The following NCKAP5 variants were observed in gnomAD, a reference collection of about 807,000 sequenced individuals.
NCKAP5 encodes NCK associated protein 5.
Under a neutral mutation model 167.0 loss-of-function variants are expected in NCKAP5, and 92 were observed. The ratio of observed to expected loss-of-function variants is 0.55; its 90% CI spans 0.47 to 0.66. The LOEUF (loss-of-function observed/expected upper bound fraction) is 0.66, where lower values mean the gene tolerates loss of function less well. Among genes scored for constraint, NCKAP5 ranks in the 30% least tolerant of loss-of-function variants. The pLI is 0.00. For missense variants in NCKAP5, 2,378 were observed against 2,315.0 expected, an observed-to-expected ratio of 1.03 and a Z score of -0.56; for synonymous variants, 891 against 877.4, an observed-to-expected ratio of 1.02 and a Z score of -0.27.
rs139638160 is a variant in NCKAP5 at position 133,014,372 on chromosome 2, G to A, written c.342-20133C>T. 5.8e-4 allele frequency among the ~76,000 whole-genome samples: 89 copies of A among 152,316 alleles called. No homozygotes were observed. The East Asian group carries it at 7.9e-3, about 14-fold the overall frequency. On this transcript the variant is annotated intron_variant, in intron 6 of 19. Coordinates refer to ENST00000409261, the MANE Select transcript of NCKAP5 (RefSeq NM_207363.3). Reference sequence around the variant, plus strand: ...GTGACTCCCATCCACCACCAGTGAAGCTATTCAAATTCTGCAAGAATTAGT... The same window carrying A: ...GTGACTCCCATCCACCACCAGTGAAACTATTCAAATTCTGCAAGAATTAGT...
intron 8 of NCKAP5, among the ~76,000 whole-genome samples, chr2:132,904,362 A>C (rs543120022): frequency 4.2e-4 from 63 of 150,914 alleles, no homozygotes; most frequent in African/African-American, 1.3e-3. Flanking sequence ...ATAAAAATTA[A>C]ATAAAAATTA....
At chr2:133,670,100 A>C in the NCKAP5 span, among the ~76,000 whole-genome samples, 1 of 152,364 alleles carries the variant, frequency 6.6e-6, no homozygotes, top group Admixed American at 6.5e-5. Context: ...TCATGGTATC[A>C]AATATGGCTC....
chr2:133,250,687 G>A (rs950515779), intron 4 of NCKAP5, among the ~76,000 whole-genome samples: 7 of 152,164 alleles, frequency 4.6e-5, no homozygotes, highest in East Asian at 1.9e-4. Flanking sequence ...CCTGTAACCC[G>A]GACACTTTGG....
chr2:133,617,436 A>G, the NCKAP5 span, among the ~76,000 whole-genome samples: 1 of 147,710 alleles, frequency 6.8e-6, no homozygotes, highest in African/African-American at 2.5e-5. Context: ...CCTTAAGCTG[A>G]TAAGCAACTT....
intron 6 of NCKAP5, among the ~76,000 whole-genome samples, chr2:133,073,472 T>C (rs894908789): frequency 6.6e-6 from 1 of 152,204 alleles, no homozygotes; most frequent in African/African-American, 2.4e-5. Flanking sequence ...AAGTCTCAGA[T>C]AGTGCCAGGC....
rs1028637642 is a variant in NCKAP5, at chr2:133,406,177, G to A, written c.70-103067C>T. Among the ~76,000 whole-genome samples the A allele has an allele frequency of 4.6e-5, 7 of 152,192 alleles. No individual in the cohort carries two copies. The East Asian group carries it at 1.3e-3, about 29-fold the overall frequency. On this transcript the variant is annotated intron_variant, in intron 3 of 19. Coordinates refer to ENST00000409261, the MANE Select transcript of NCKAP5 (RefSeq NM_207363.3). ...TCCCTGGAACAGTTAGAAGAAGAGAGGCTTTAGGCAGTTTTACCTGAGTAT... is the reference window on the plus strand; with the variant it reads ...TCCCTGGAACAGTTAGAAGAAGAGAAGCTTTAGGCAGTTTTACCTGAGTAT...
At chr2:132,914,209 C>A (rs1694683018) in intron 8 of NCKAP5, among the ~76,000 whole-genome samples, 1 of 151,964 alleles carries the variant, frequency 6.6e-6, no homozygotes, top group Non-Finnish European at 1.5e-5. Context: ...GAGGCTAAAT[C>A]ATATTTGTGA....
intron 3 of NCKAP5, among the ~76,000 whole-genome samples, chr2:133,340,652 G>A (rs961338649): frequency 5.3e-5 from 8 of 152,164 alleles, no homozygotes; most frequent in Non-Finnish European, 1.2e-4. Flanking sequence ...ATGAGGTAAT[G>A]AATGCCCTAT....
chr2:132,681,539 G>C (rs1685232141), intron 19 of NCKAP5, among the ~76,000 whole-genome samples: 1 of 151,832 alleles, frequency 6.6e-6, no homozygotes, highest in African/African-American at 2.4e-5. Flanking sequence ...TTTCATTTTG[G>C]AGTGATAGAT....
At chr2:132,941,734 G>C (rs937771175) in intron 8 of NCKAP5, among the ~76,000 whole-genome samples, 1 of 152,062 alleles carries the variant, frequency 6.6e-6, no homozygotes, top group African/African-American at 2.4e-5. Context: ...AAGGCAATTT[G>C]AGGTAATTTT....
chr2:133,221,061 T>A (rs892953676), intron 4 of NCKAP5, among the ~76,000 whole-genome samples: 1 of 152,172 alleles, frequency 6.6e-6, no homozygotes, highest in South Asian at 2.1e-4. Context: ...AAGGTATGAA[T>A]CCAGCTCACG....
chr2:133,113,671 C>A (rs1359488510), intron 6 of NCKAP5, among the ~76,000 whole-genome samples: 1 of 152,128 alleles, frequency 6.6e-6, no homozygotes, highest in Non-Finnish European at 1.5e-5. Context: ...CCAAATGGGC[C>A]CAAGCCTGCT....
At chr2:133,220,385 G>C (rs1433807405) in intron 4 of NCKAP5, among the ~76,000 whole-genome samples, 2 of 152,180 alleles carry the variant, frequency 1.3e-5, no homozygotes, top group Non-Finnish European at 2.9e-5. Flanking sequence ...TTCTCTTACA[G>C]TTAAATGTAA....
At chr2:132,915,985 C>T (rs545060710) in intron 8 of NCKAP5, among the ~76,000 whole-genome samples, 37 of 152,120 alleles carry the variant, frequency 2.4e-4, no homozygotes, top group African/African-American at 8.2e-4. Context: ...TGAGGTGGGG[C>T]TATGACTCAA....
chr2:132,919,324 G>C (rs569767644), intron 8 of NCKAP5, among the ~76,000 whole-genome samples: 3 of 152,238 alleles, frequency 2.0e-5, no homozygotes, highest in African/African-American at 7.2e-5. Flanking sequence ...CAAGATTATA[G>C]TACAGCATAT....
rs767290591 is a variant in NCKAP5, at chr2:132,785,069, T to C, written c.1742A>G (p.Asp581Gly). ...GRMALNLQLS[D>G]TDDNETFDEL... The stretch of plus-strand genomic sequence containing the variant: ...ATCAAACGTTTCATTGTCATCAGTG[T>C]CTGAAAGCTGGAGGTTGAGAGCCAT... The change falls in exon 14 of 20, where the codon GAC becomes GGC. Residue 581 changes from aspartate (D) to glycine (G), a missense_variant. Around this residue, in one of 3 missense-constraint regions of NCKAP5, gnomAD observed 1,049 missense variants for 1,023.4 expected, o/e 1.02. Coordinates refer to ENST00000409261, the MANE Select transcript of NCKAP5 (RefSeq NM_207363.3). 1.2e-5 allele frequency: 19 copies of C among 1,614,074 alleles called. No homozygotes were observed. The highest frequency in any genetic ancestry group is 1.7e-5 in the Admixed American group (1 of 60,034).
chr2:133,396,643 G>C (rs2151006867), intron 3 of NCKAP5, among the ~76,000 whole-genome samples: 1 of 152,058 alleles, frequency 6.6e-6, no homozygotes, highest in East Asian at 1.9e-4. Flanking sequence ...CTTTTTATAA[G>C]GACATCAGTC....
intron 3 of NCKAP5, among the ~76,000 whole-genome samples, chr2:133,497,998 C>T (rs1159587272): frequency 1.4e-4 from 21 of 152,182 alleles, no homozygotes; most frequent in Admixed American, 1.4e-3. Flanking sequence ...ATTCAGATAT[C>T]CAACAAGCCT....
intron 6 of NCKAP5, among the ~76,000 whole-genome samples, chr2:133,107,742 T>C (rs975929219): frequency 7.2e-5 from 11 of 152,254 alleles, no homozygotes; most frequent in Middle Eastern, 3.4e-3. Flanking sequence ...TAGGGGAAAA[T>C]AGACTTTTAA....
Sources: allele counts gnomAD v4.1 joint callset (sites outside exome capture counted in the v4.1 genomes callset), GRCh38; gene constraint gnomAD v4.1.1; regional missense constraint gnomAD v4.1.1; transcripts MANE v1.5; gene names NCBI Gene and HGNC (gene_info 2026-07-23, HGNC 2026-07-21).